The following RPA1 variants were observed in gnomAD, a reference collection of about 807,000 sequenced individuals.
RPA1 encodes replication protein A 70 kDa DNA-binding subunit.
RPA1 carries 49 observed loss-of-function variants against 83.0 expected under a neutral mutation model. The ratio of observed to expected loss-of-function variants is 0.59; its 90% CI spans 0.47 to 0.75. The LOEUF is 0.75. Ranked by LOEUF, RPA1 falls within the 30% of genes least tolerant of loss-of-function variation. The probability of loss-of-function intolerance (pLI) is 0.00; values close to 1 mark genes in which losing one functional copy is unlikely to be tolerated. For missense variants in RPA1, 693 were observed against 776.1 expected, an observed-to-expected ratio of 0.89 and a Z score of 1.27; for synonymous variants, 279 against 281.8, an observed-to-expected ratio of 0.99 and a Z score of 0.10.
intron 16 of RPA1, among the ~76,000 whole-genome samples, chr17:1,895,659 GTATTTATTTATTTATT>G (rs1555596983): frequency 1.6e-4 from 22 of 141,750 alleles, no homozygotes; most frequent in African/African-American, 3.2e-4. Flanking sequence ...ATACCATATA[GTATTTATTTATTTATT>G]TATTTATTTA....
At chr17:1,862,717 C>CTT (rs71150827) in intron 5 of RPA1, among the ~76,000 whole-genome samples, 9,894 of 51,610 alleles carry the variant, frequency 0.19, 1,941 homozygotes, top group Admixed American at 0.21. Flanking sequence ...CTGTGCCCAG[C>CTT]TTTTTTTTTT....
chr17:1,883,617 AT>A (rs1216021753), intron 12 of RPA1, among the ~76,000 whole-genome samples, 194 bp from the exon 13 acceptor site: 1 of 151,936 alleles, frequency 6.6e-6, no homozygotes, highest in African/African-American at 2.4e-5. Context: ...CTCTGACACA[AT>A]TTTTTTTAAT....
In RPA1 at chr17:1,897,844, A is replaced by C. The variant is rs1051318; in HGVS notation, c.*669A>C. ...TTCTGAGGACCGCTGATAAGCATTGACTTGCCGTCCCCTAAGGAAATCCGA... is the reference window on the plus strand; with the variant it reads ...TTCTGAGGACCGCTGATAAGCATTGCCTTGCCGTCCCCTAAGGAAATCCGA... On this transcript the variant is annotated 3_prime_UTR_variant, in exon 17 of 17. Transcript: ENST00000254719. 3.3e-5 allele frequency: 5 copies of C among 152,670 alleles called. No homozygotes were observed. The highest frequency in any genetic ancestry group is 1.2e-4 in the African/African-American group (5 of 41,436). The allele number at this position is 152,670 out of a possible 1,614,324, so 9.5% of individuals were successfully genotyped here. A position where few individuals can be genotyped will look rare whatever the true frequency, so the allele number is the denominator to read the frequency against.
intron 7 of RPA1, among the ~76,000 whole-genome samples, chr17:1,876,372 T>A (rs1479434378): frequency 6.6e-6 from 1 of 152,008 alleles, no homozygotes; most frequent in Non-Finnish European, 1.5e-5. Flanking sequence ...CTGGCCAACA[T>A]GGTGAAACCG....
chr17:1,892,056 G>C (rs1914223106), intron 15 of RPA1, 116 bp downstream of exon 15: 14 of 565,918 alleles, frequency 2.5e-5, no homozygotes, highest in Non-Finnish European at 3.8e-5. Context: ...TCCTAGGCTG[G>C]AGTGCAGTGG....
chr17:1,868,886 A>AT lies in RPA1; in HGVS notation c.362-3547dup, dbSNP rs762059711. Among the ~76,000 whole-genome samples, 9 of 152,368 alleles carry AT rather than the reference A, an allele frequency of 5.9e-5. No individual in the cohort carries two copies. The East Asian group carries it at 1.7e-3, about 29-fold the overall frequency. ...TACCACTGTATTTTTGTCTGCGTATATAAGTTCCATGCACCTATACTATGG... is the reference window on the plus strand; with the variant it reads ...TACCACTGTATTTTTGTCTGCGTATATTAAGTTCCATGCACCTATACTATGG... On this transcript the variant is annotated intron_variant, in intron 5 of 16. Transcript: ENST00000254719.
At chr17:1,883,726 T>C (rs17338990) in intron 12 of RPA1, 86 bp from the exon 13 acceptor site, 96,784 of 1,578,624 alleles carry the variant, frequency 0.061, 3,404 homozygotes, top group Non-Finnish European at 0.07. Flanking sequence ...GAAACCTGTG[T>C]CTGTCGCGTA....
Position 1,880,400 on chromosome 17 carries a change from CAT to C in RPA1, c.1093-142_1093-141del, listed in dbSNP as rs1251936368. On this transcript the variant is annotated intron_variant, in intron 11 of 16. Coordinates refer to ENST00000254719, the MANE Select transcript of RPA1 (RefSeq NM_002945.5). ...TTTGATGTGTCTCTGAGTAGATTCT[CAT>C]GTGTGAGGTCTGTCTTGTATGGATT... is the stretch of plus-strand genomic sequence containing the variant. 3 of 768,658 alleles carry C rather than the reference CAT, an allele frequency of 3.9e-6. No homozygotes were observed. The African/African-American group carries it at 5.2e-5, about 13-fold the overall frequency. The allele number at this position is 768,658 out of a possible 1,614,324, so 47.6% of individuals were successfully genotyped here. A position where few individuals can be genotyped will look rare whatever the true frequency, so the allele number is the denominator to read the frequency against.
At chr17:1,841,888 T>A (rs1260978774) in intron 1 of RPA1, among the ~76,000 whole-genome samples, 1 of 152,184 alleles carries the variant, frequency 6.6e-6, no homozygotes, top group Non-Finnish European at 1.5e-5. Flanking sequence ...TCTCTATTCT[T>A]TGAATGTGAC....
At chr17:1,861,293 G>GGGC (rs1265006138) in intron 5 of RPA1, among the ~76,000 whole-genome samples, 3 of 152,288 alleles carry the variant, frequency 2.0e-5, no homozygotes, top group Admixed American at 6.5e-5. Flanking sequence ...GGTTCTGGCA[G>GGGC]GCCCCCTAAG....
In RPA1 at chr17:1,885,850, C is replaced by T. The variant is rs78915077; in HGVS notation, c.1374+1906C>T. Reference sequence around the variant, plus strand: ...GCAACTATCGCCTCATGAAATATGTCTCTTAGACTTAAAAAGTCAAAATTA... The same window carrying T: ...GCAACTATCGCCTCATGAAATATGTTTCTTAGACTTAAAAAGTCAAAATTA... On this transcript the variant is annotated intron_variant, in intron 13 of 16. Coordinates refer to ENST00000254719, the MANE Select transcript of RPA1 (RefSeq NM_002945.5). Among the ~76,000 whole-genome samples, 1,032 of 152,352 alleles carry T rather than the reference C, an allele frequency of 6.8e-3. 11 individuals carry two copies. The highest frequency in any genetic ancestry group is 0.012 in the Non-Finnish European group (827 of 68,032).
intron 5 of RPA1, among the ~76,000 whole-genome samples, chr17:1,868,551 A>G (rs1567816260): frequency 7.9e-5 from 12 of 152,140 alleles, no homozygotes. Flanking sequence ...CGGGTGGATC[A>G]TTTGAGATCA....
At chr17:1,854,427 C>T (rs530678866) in intron 5 of RPA1, among the ~76,000 whole-genome samples, 7 of 152,254 alleles carry the variant, frequency 4.6e-5, no homozygotes, top group Admixed American at 1.3e-4. Context: ...AAACCAGGTA[C>T]GGTACCTCAC....
At position 1,837,967 on chromosome 17, in the gene RPA1, T is replaced by A. The variant is rs566236032; in HGVS notation, c.34-4836T>A. Among the ~76,000 whole-genome samples the A allele has an allele frequency of 1.6e-4, 24 of 152,322 alleles. No individual in the cohort carries two copies. The East Asian group carries it at 4.6e-3, about 29-fold the overall frequency. ...GTTTTTTTGTTTGTTTTTGTTTTGT[T>A]TTTTGCAGAGTTGTGTTTGTGTGTC... On this transcript the variant is annotated intron_variant, in intron 1 of 16. Transcript: ENST00000254719.
At chr17:1,872,362 C>G in intron 5 of RPA1, 72 bp from the exon 6 acceptor site, 2 of 1,565,180 alleles carry the variant, frequency 1.3e-6, no homozygotes, top group East Asian at 2.3e-5. Flanking sequence ...CCAGAGCATT[C>G]CTTCTACCCA....
At position 1,879,331 on chromosome 17, in the gene RPA1, C is replaced by T; in HGVS notation, c.876C>T (p.Asp292=). Residue 292 remains aspartate (D), a synonymous_variant, in exon 10 of 17, where the codon GAC becomes GAT. Transcript: ENST00000254719. ...NETSVMPCED[D]HHLPTVQFDF... ...CTTCCGTCATGCCCTGTGAGGACGA[C>T]CATCATTTACCTACGGTTCAGTTTG... is the stretch of plus-strand genomic sequence containing the variant. The T allele has an allele frequency of 6.2e-7, 1 of 1,614,182 alleles. No individual in the cohort carries two copies. The highest frequency in any genetic ancestry group is 8.5e-7 in the Non-Finnish European group (1 of 1,180,032).
At chr17:1,893,259 T>C (rs1215632198) in intron 15 of RPA1, among the ~76,000 whole-genome samples, 1 of 152,256 alleles carries the variant, frequency 6.6e-6, no homozygotes. Flanking sequence ...TTCAGGATTT[T>C]TATGAGCTTA....
intron 16 of RPA1, among the ~76,000 whole-genome samples, chr17:1,895,996 T>C (rs553394573): frequency 1.3e-5 from 2 of 152,100 alleles, no homozygotes; most frequent in African/African-American, 4.8e-5. Flanking sequence ...GTTATAGTTA[T>C]AATCAAACAG....
intron 5 of RPA1, chr17:1,858,317 A>G: frequency 4.3e-6 from 7 of 1,609,552 alleles, no homozygotes; most frequent in Non-Finnish European, 3.4e-6. Context: ...CCTGCACTCA[A>G]AGCAATACCA....
Sources: gnomAD v4.1 joint callset for allele counts (sites outside exome capture counted in the v4.1 genomes callset) on GRCh38, gnomAD v4.1.1 for gene constraint, MANE v1.5 for transcripts, NCBI Gene and HGNC (gene_info 2026-07-23, HGNC 2026-07-21) for gene names.